TYRO3: variants seen among roughly 807,000 people sequenced by gnomAD.
The protein encoded by TYRO3 is TYRO3 protein tyrosine kinase.
TYRO3 carries 38 observed loss-of-function variants against 95.2 expected under a neutral mutation model. That is an observed-to-expected ratio of 0.40 (90% CI 0.31 to 0.52). The LOEUF (loss-of-function observed/expected upper bound fraction) is 0.52, where lower values mean the gene tolerates loss of function less well. Among genes scored for constraint, TYRO3 ranks in the 20% least tolerant of loss-of-function variants. TYRO3 has a pLI of 0.56. For missense variants in TYRO3, 812 were observed against 1,116.4 expected (o/e 0.73, Z 3.89); for synonymous variants, 367 against 432.9 (o/e 0.85, Z 1.89).
At chr15:41,565,478 G>A (rs1053594754) in intron 6 of TYRO3, among the ~76,000 whole-genome samples, 14 of 151,268 alleles carry the variant, frequency 9.3e-5, no homozygotes, top group African/African-American at 2.4e-4. Context: ...GTGCCATCTC[G>A]GCTCACTGCA....
At chr15:41,566,513 T>G (rs2055727000) in intron 6 of TYRO3, among the ~76,000 whole-genome samples, 2 of 152,150 alleles carry the variant, frequency 1.3e-5, no homozygotes, top group African/African-American at 2.4e-5. Flanking sequence ...AGTCTGCTTC[T>G]GGGGTCTGTG....
In TYRO3 at chr15:41,559,370, C is replaced by A; in HGVS notation, c.113C>A (p.Ser38Tyr). 9.0e-6 allele frequency: 2 copies of A among 223,220 alleles called. No homozygotes were observed. Among genetic ancestry groups the A allele is most frequent in the South Asian group, 3.2e-4 (2 of 6,222 alleles). The allele number at this position is 223,220 out of a possible 1,614,324, so 13.8% of individuals were successfully genotyped here. Residue 38 changes from serine (S) to tyrosine (Y), a missense_variant, in exon 1 of 19, where the codon TCC becomes TAC. Transcript: ENST00000263798. ...CTGGCTTCTCTGCTGCTCCCGGAGT[C>A]CGCCGCCGCAGGTAGGGGCTGGCAC... is the stretch of plus-strand genomic sequence containing the variant. ...AALASLLLPE[S>Y]AAAGLKLMGA...
intron 18 of TYRO3, among the ~76,000 whole-genome samples, chr15:41,576,580 C>T (rs984304173): frequency 2.0e-5 from 3 of 150,044 alleles, no homozygotes; most frequent in Admixed American, 6.7e-5. Flanking sequence ...CCACCTGCTT[C>T]GGCCTCCCAA....
At chr15:41,562,322 G>T in intron 3 of TYRO3, 1 of 229,988 alleles carries the variant, frequency 4.3e-6, no homozygotes, top group Non-Finnish European at 7.1e-6. Flanking sequence ...ACCTCCCCGC[G>T]ACCAATCTCA....
intron 11 of TYRO3, 90 bp from the exon 12 acceptor site, chr15:41,570,514 A>G (rs2055781921): frequency 6.8e-7 from 1 of 1,467,460 alleles, no homozygotes; most frequent in Admixed American, 1.7e-5. Flanking sequence ...GCTCATCTCT[A>G]TGCTCTGAGG....
chr15:41,574,593 C>T, intron 18 of TYRO3: 1 of 452,480 alleles, frequency 2.2e-6, no homozygotes, highest in South Asian at 1.6e-5. Context: ...ACCTAGATCC[C>T]TGTAGTTTTA....
chr15:41,562,766 T>C (rs1343122167), intron 4 of TYRO3, 48 bp downstream of exon 4: 2 of 1,553,630 alleles, frequency 1.3e-6, no homozygotes, highest in Non-Finnish European at 1.7e-6. Flanking sequence ...AGCTGGGTCC[T>C]GGAGGGCACT....
Position 41,568,875 on chromosome 15 carries a change from C to T in TYRO3, c.1108-3C>T. The T allele has an allele frequency of 6.2e-7, 1 of 1,610,988 alleles. No homozygotes were observed. The highest frequency in any genetic ancestry group is 1.3e-5 in the African/African-American group (1 of 74,938). On this transcript the variant is annotated splice_region_variant and splice_polypyrimidine_tract_variant and intron_variant, in intron 8 of 18. Transcript: ENST00000263798. The stretch of plus-strand genomic sequence containing the variant: ...ATGGGGTGGGGGCTTTTCCTGGCTG[C>T]AGGATGAGCTGACAGTGGAGGGGAC...
In TYRO3 at chr15:41,559,256, C is replaced by T; in HGVS notation, c.-2C>T. ...GCCCGGCATGGTGCGGCGTCGCCGC[C>T]GATGGCGCTGAGGCGGAGCATGGGG... On this transcript the variant is annotated 5_prime_UTR_variant, in exon 1 of 19. Coordinates refer to ENST00000263798, the MANE Select transcript of TYRO3 (RefSeq NM_006293.4). The T allele has an allele frequency of 2.5e-6, 1 of 404,770 alleles. No individual in the cohort carries two copies. 25.1% of individuals were successfully genotyped at this position (404,770 alleles called of 1,614,324 possible).
chr15:41,568,094 A>T, intron 7 of TYRO3, 123 bp from the exon 8 acceptor site: 1 of 1,342,580 alleles, frequency 7.4e-7, no homozygotes, highest in South Asian at 1.3e-5. Context: ...TGGGAGGTGA[A>T]CCCTTCCCCA....
intron 4 of TYRO3, among the ~76,000 whole-genome samples, chr15:41,563,098 TGA>T (rs1269188682): frequency 6.6e-6 from 1 of 151,306 alleles, no homozygotes; most frequent in African/African-American, 2.4e-5. Context: ...TGGCAGACAC[TGA>T]GAAGACAAGA....
chr15:41,563,998 G>A (rs2055689456), intron 4 of TYRO3, among the ~76,000 whole-genome samples, 186 bp from the exon 5 acceptor site: 1 of 152,174 alleles, frequency 6.6e-6, no homozygotes. Flanking sequence ...TGAGAAAACA[G>A]AGCCCTCTCC....
chr15:41,568,104 A>G, intron 7 of TYRO3, 113 bp from the exon 8 acceptor site: 1 of 1,415,582 alleles, frequency 7.1e-7, no homozygotes, highest in Non-Finnish European at 9.7e-7. Context: ...ACCCTTCCCC[A>G]GTTTGTGCCT....
chr15:41,573,605 C>A lies in TYRO3; in HGVS notation c.2146-74C>A, dbSNP rs147002658. ...GCCCTGAGCCCCAGGTTGTGCTTGT[C>A]TCAGAGCCATGGCTCTCTGCCTGGC... is the stretch of plus-strand genomic sequence containing the variant. On this transcript the variant is annotated intron_variant, in intron 17 of 18. Coordinates refer to ENST00000263798, the MANE Select transcript of TYRO3 (RefSeq NM_006293.4). 978 of 1,604,360 alleles carry A rather than the reference C, an allele frequency of 6.1e-4. 9 individuals are homozygous for A. In the South Asian group the frequency reaches 8.3e-3, roughly 14 times the overall value.
Position 41,567,487 on chromosome 15 carries a change from T to G in TYRO3, c.911T>G (p.Leu304Trp), listed in dbSNP as rs2055738929. The G allele has an allele frequency of 6.2e-7, 1 of 1,603,380 alleles. No individual in the cohort carries two copies. Among genetic ancestry groups the G allele is most frequent in the African/African-American group, 1.4e-5 (1 of 74,070 alleles). ...CTCAGGGTGCGCTGTGCCAATGCCTTGGGGCCCTCTCCCTATGCTGACTGG... is the reference window on the plus strand; with the variant it reads ...CTCAGGGTGCGCTGTGCCAATGCCTGGGGGCCCTCTCCCTATGCTGACTGG... ...YSLRVRCANA[L>W]GPSPYADWVP... is the part of the protein sequence containing the mutation. The change falls in exon 7 of 19, where the codon TTG becomes TGG. Residue 304 changes from leucine (L) to tryptophan (W), a missense_variant. Transcript: ENST00000263798.
chr15:41,570,353 T>A lies in TYRO3; in HGVS notation c.1483+13T>A. 2 of 981,372 alleles carry A rather than the reference T, an allele frequency of 2.0e-6. No individual in the cohort carries two copies. The highest frequency in any genetic ancestry group is 3.1e-6 in the Non-Finnish European group (2 of 651,452). The allele number at this position is 981,372 out of a possible 1,614,324, so 60.8% of individuals were successfully genotyped here. On this transcript the variant is annotated intron_variant, in intron 11 of 18. Coordinates refer to ENST00000263798, the MANE Select transcript of TYRO3 (RefSeq NM_006293.4). Reference sequence around the variant, plus strand: ...ATCGAGGCCACATGTGAGTGGTGGGTGATCGTGGGAAGGACAAATGGGCTG... The same window carrying A: ...ATCGAGGCCACATGTGAGTGGTGGGAGATCGTGGGAAGGACAAATGGGCTG...
chr15:41,561,176 G>C lies in TYRO3; in HGVS notation c.174G>C (p.Gln58His). ...APVKLTVSQG[Q>H]PVKLNCSVEG... ...TGAAGCTGACAGTGTCTCAGGGGCA[G>C]CCGGTGAAGCTCAACTGCAGTGTGG... Residue 58 changes from glutamine (Q) to histidine (H), a missense_variant, in exon 2 of 19, where the codon CAG becomes CAC. Coordinates refer to ENST00000263798, the MANE Select transcript of TYRO3 (RefSeq NM_006293.4). 1 of 1,614,248 alleles carries C rather than the reference G, an allele frequency of 6.2e-7. No homozygotes were observed. The highest frequency in any genetic ancestry group is 8.5e-7 in the Non-Finnish European group (1 of 1,180,044).
rs369475292 is a variant in TYRO3 at position 41,572,425 on chromosome 15, G to A, written c.1754-18G>A. The A allele has an allele frequency of 8.0e-7, 1 of 1,246,822 alleles. No homozygotes were observed. Among genetic ancestry groups the A allele is most frequent in the African/African-American group, 1.5e-5 (1 of 68,472 alleles). The allele number at this position is 1,246,822 out of a possible 1,614,324, so 77.2% of individuals were successfully genotyped here. ...CTTGACCCTTCTATGCTCAGCTCCT[G>A]ACTCTCCCTTGTCCCAGGGGTAAGC... On this transcript the variant is annotated intron_variant, in intron 14 of 18. Coordinates refer to ENST00000263798, the MANE Select transcript of TYRO3 (RefSeq NM_006293.4).
Position 41,581,534 on chromosome 15 carries a change from C to A in TYRO3, c.*3258C>A, listed in dbSNP as rs1566906342. On this transcript the variant is annotated 3_prime_UTR_variant, in exon 19 of 19. Coordinates refer to ENST00000263798, the MANE Select transcript of TYRO3 (RefSeq NM_006293.4). ...ATCTGGGAATTATTGATTGAAAAGA[C>A]CTTCACTATCGGTTGGGGGCGGTGG... is the stretch of plus-strand genomic sequence containing the variant. The A allele has an allele frequency of 6.6e-6, 1 of 152,090 alleles. No individual in the cohort carries two copies. The highest frequency in any genetic ancestry group is 6.6e-5 in the Admixed American group (1 of 15,250). The allele number at this position is 152,090 out of a possible 1,614,324, so 9.4% of individuals were successfully genotyped here.
Sources: gnomAD v4.1 joint callset for allele counts (sites outside exome capture counted in the v4.1 genomes callset) on GRCh38, gnomAD v4.1.1 for gene constraint, MANE v1.5 for transcripts, NCBI Gene and HGNC (gene_info 2026-07-23, HGNC 2026-07-21) for gene names.